Variants in BCHE observed in about 807,000 individuals in gnomAD.
The protein encoded by BCHE is cholinesterase.
In BCHE, 48 loss-of-function variants were observed where a neutral mutation model predicts 51.3. That is an observed-to-expected ratio of 0.94 (90% CI 0.74 to 1.19). The LOEUF (loss-of-function observed/expected upper bound fraction) is 1.19, where lower values mean the gene tolerates loss of function less well. BCHE is among the 50% of genes most tolerant of loss of function. The probability of loss-of-function intolerance (pLI) is 0.00; values close to 1 mark genes in which losing one functional copy is unlikely to be tolerated. For missense variants in BCHE, 847 were observed against 708.2 expected (o/e 1.20, Z -2.23); for synonymous variants, 251 against 238.0 (o/e 1.05, Z -0.50).
At chr3:165,787,739 G>C (rs1443436504) in intron 2 of BCHE, among the ~76,000 whole-genome samples, 1 of 151,946 alleles carries the variant, frequency 6.6e-6, no homozygotes, top group Non-Finnish European at 1.5e-5. Flanking sequence ...TAGGATATCA[G>C]TGTTGTCACA....
intron 2 of BCHE, among the ~76,000 whole-genome samples, chr3:165,817,080 G>A (rs1427403638): frequency 6.6e-6 from 1 of 151,962 alleles, no homozygotes. Flanking sequence ...TCCTCCAATA[G>A]TTGTTAATAT....
chr3:165,794,883 T>A (rs950491662), intron 2 of BCHE, among the ~76,000 whole-genome samples: 5 of 152,066 alleles, frequency 3.3e-5, no homozygotes, highest in Admixed American at 3.3e-4. Flanking sequence ...AACATACAAA[T>A]GAAATACTGT....
At chr3:165,782,803 A>C (rs960319396) in intron 3 of BCHE, among the ~76,000 whole-genome samples, 1 of 152,268 alleles carries the variant, frequency 6.6e-6, no homozygotes, top group Non-Finnish European at 1.5e-5. Flanking sequence ...TTTCTGGTTC[A>C]TAGATGGCAG....
chr3:165,835,911 TA>T lies in BCHE; in HGVS notation c.-9+1402del, dbSNP rs374653677. On this transcript the variant is annotated intron_variant, in intron 1 of 3. Transcript: ENST00000264381. ...AATTCTCTTAACATCTGGGACCGTC[TA>T]ATTTTGGTAAGAATGAGCAGATGCT... 6.1e-3 allele frequency among the ~76,000 whole-genome samples: 923 copies of T among 152,030 alleles called. 6 individuals carry two copies. Among genetic ancestry groups the T allele is most frequent in the African/African-American group, 0.021 (865 of 41,552 alleles).
intron 2 of BCHE, 40 bp from the exon 3 acceptor site, chr3:165,786,351 C>T (rs776188231): frequency 6.5e-7 from 1 of 1,530,192 alleles, no homozygotes; most frequent in South Asian, 1.2e-5. Flanking sequence ...AAATTGAAAT[C>T]ATTGTTAGAT....
In BCHE at chr3:165,830,017, T is replaced by C. The variant is rs1406197665; in HGVS notation, c.1017A>G (p.Gln339=). 6.2e-7 allele frequency: 1 copy of C among 1,613,768 alleles called. No individual in the cohort carries two copies. Among genetic ancestry groups the C allele is most frequent in the Non-Finnish European group, 8.5e-7 (1 of 1,179,886 alleles). ...DMPDILLELG[Q]FKKTQILVGV... The stretch of plus-strand genomic sequence containing the variant: ...CCACCAAAATCTGGGTTTTTTTAAA[T>C]TGTCCAAGTTCAAGTAATATGTCTG... The change falls in exon 2 of 4, where the codon CAA becomes CAG. Residue 339 remains glutamine (Q), a synonymous_variant. Coordinates refer to ENST00000264381, the MANE Select transcript of BCHE (RefSeq NM_000055.4).
rs200998515 is a variant in BCHE at position 165,829,572 on chromosome 3, C to T, written c.1462G>A (p.Glu488Lys). ...ACTATGGATCTACTCAAAATTTCCTCGGCTTTTGTGTAATTATCTCTTCTT... is the reference window on the plus strand; with the variant it reads ...ACTATGGATCTACTCAAAATTTCCTTGGCTTTTGTGTAATTATCTCTTCTT... ...LERRDNYTKA[E>K]EILSRSIVKR... Residue 488 changes from glutamate to lysine, a missense_variant, in exon 2 of 4, where the codon GAG (glutamate) becomes AAG (lysine). Transcript: ENST00000264381. The T allele has an allele frequency of 4.0e-5, 65 of 1,613,652 alleles. No homozygotes were observed. Among genetic ancestry groups the T allele is most frequent in the South Asian group, 1.9e-4 (17 of 91,082 alleles).
chr3:165,796,588 T>C (rs1485913618), intron 2 of BCHE, among the ~76,000 whole-genome samples: 2 of 152,234 alleles, frequency 1.3e-5, no homozygotes, highest in African/African-American at 4.8e-5. Context: ...TTCACGTATT[T>C]TCACCGTTGC....
At chr3:165,797,572 G>A (rs938131218) in intron 2 of BCHE, among the ~76,000 whole-genome samples, 1 of 151,786 alleles carries the variant, frequency 6.6e-6, no homozygotes, top group Admixed American at 6.6e-5. Context: ...AAGCTCAAAT[G>A]TACTTTCAAA....
chr3:165,785,608 G>A (rs74942210), intron 3 of BCHE, among the ~76,000 whole-genome samples: 8,046 of 151,492 alleles, frequency 0.053, 284 homozygotes, highest in Non-Finnish European at 0.079. Context: ...ATCATATTAT[G>A]TAATGTGCGT....
intron 3 of BCHE, among the ~76,000 whole-genome samples, chr3:165,780,530 C>G (rs759751697): frequency 6.6e-6 from 1 of 152,126 alleles, no homozygotes; most frequent in African/African-American, 2.4e-5. Flanking sequence ...GTTCTAATAT[C>G]CAGAATCTAC....
chr3:165,798,271 CTGTG>C (rs201791118), intron 2 of BCHE, among the ~76,000 whole-genome samples: 2 of 150,188 alleles, frequency 1.3e-5, no homozygotes, highest in Non-Finnish European at 3.0e-5. Context: ...AAGTGTGTGT[CTGTG>C]TGTGTGTGTG....
chr3:165,780,438 C>T (rs1712648954), intron 3 of BCHE, among the ~76,000 whole-genome samples: 1 of 152,118 alleles, frequency 6.6e-6, no homozygotes, highest in Non-Finnish European at 1.5e-5. Flanking sequence ...AGAGCTTTTG[C>T]ACAGCAAAAT....
chr3:165,818,929 T>C (rs1714407888), intron 2 of BCHE, among the ~76,000 whole-genome samples: 1 of 152,088 alleles, frequency 6.6e-6, no homozygotes, highest in Admixed American at 6.6e-5. Flanking sequence ...GGCTTCAAAA[T>C]CAAGCTATTT....
chr3:165,802,643 T>G (rs1713704434), intron 2 of BCHE, among the ~76,000 whole-genome samples: 1 of 151,234 alleles, frequency 6.6e-6, no homozygotes, highest in South Asian at 2.1e-4. Context: ...TTTTTTTTTG[T>G]AATTGTAAAT....
In BCHE at chr3:165,829,699, A is replaced by G; in HGVS notation, c.1335T>C (p.Phe445=). The change falls in exon 2 of 4, where the codon TTT becomes TTC. Residue 445 remains phenylalanine, a synonymous_variant. Coordinates refer to ENST00000264381, the MANE Select transcript of BCHE (RefSeq NM_000055.4). ...AGGATCGGTGTTCAAAATAGTAGAA[A>G]AAGGCATTATTTCCCCATTCTGAGA... ...KKFSEWGNNA[F]FYYFEHRSSK... 8 of 1,613,892 alleles carry G rather than the reference A, an allele frequency of 5.0e-6. No individual in the cohort carries two copies. Among genetic ancestry groups the G allele is most frequent in the Non-Finnish European group, 6.8e-6 (8 of 1,179,914 alleles).
At chr3:165,813,421 G>T (rs1714185108) in intron 2 of BCHE, among the ~76,000 whole-genome samples, 1 of 151,226 alleles carries the variant, frequency 6.6e-6, no homozygotes, top group Admixed American at 6.6e-5. Flanking sequence ...TCCATTTGTA[G>T]ATATTTGATT....
chr3:165,780,797 T>C (rs779570643), intron 3 of BCHE, among the ~76,000 whole-genome samples: 1 of 152,146 alleles, frequency 6.6e-6, no homozygotes, highest in Non-Finnish European at 1.5e-5. Context: ...ATAGGAATCC[T>C]TTTACGCTAT....
At chr3:165,790,042 C>T (rs1039903865) in intron 2 of BCHE, among the ~76,000 whole-genome samples, 1 of 151,816 alleles carries the variant, frequency 6.6e-6, no homozygotes, top group Non-Finnish European at 1.5e-5. Context: ...ATAGAAATGG[C>T]GGGTGAGTAA....
Sources: gnomAD v4.1 joint callset for allele counts (sites outside exome capture counted in the v4.1 genomes callset) on GRCh38, gnomAD v4.1.1 for gene constraint, MANE v1.5 for transcripts, NCBI Gene and HGNC (gene_info 2026-07-23, HGNC 2026-07-21) for gene names.